The following ZNF23 variants were observed in gnomAD, a reference collection of about 807,000 sequenced individuals.
ZNF23 encodes zinc finger protein 23.
A neutral mutation model predicts 56.2 loss-of-function variants in ZNF23; 48 were observed. The ratio of observed to expected loss-of-function variants is 0.85; its 90% confidence interval spans 0.68 to 1.09. ZNF23 has a LOEUF of 1.09. Ranked by LOEUF, ZNF23 falls within the 50% of genes least tolerant of loss-of-function variation. The pLI, the probability that ZNF23 is intolerant of heterozygous loss-of-function variation, is 0.00. For synonymous variants in ZNF23, 266 were observed against 283.3 expected, an observed-to-expected ratio of 0.94 and a Z score of 0.61; for missense variants, 805 against 811.4, an observed-to-expected ratio of 0.99 and a Z score of 0.10.
chr16:71,454,017 G>T (rs745527265), intron 3 of ZNF23, 25 bp downstream of exon 3: 1 of 1,613,914 alleles, frequency 6.2e-7, no homozygotes, highest in East Asian at 2.2e-5. Flanking sequence ...GCAGATTCCA[G>T]GTTCCCAGGG....
At chr16:71,456,682 C>T (rs139610695) in intron 2 of ZNF23, 82 bp downstream of exon 2, 10 of 986,066 alleles carry the variant, frequency 1.0e-5, no homozygotes, top group Non-Finnish European at 1.2e-5. Flanking sequence ...CAGCTGTCAT[C>T]CCGAGGCTCA....
At chr16:71,457,987 G>GC (rs1243214259) in intron 1 of ZNF23, among the ~76,000 whole-genome samples, 1 of 152,100 alleles carries the variant, frequency 6.6e-6, no homozygotes, top group Non-Finnish European at 1.5e-5. Context: ...CCAGTATCCT[G>GC]CCCCACTTCC....
At chr16:71,456,611 T>TCTCTGCCGC (rs1320359614) in intron 2 of ZNF23, 153 bp downstream of exon 2, 75 of 795,992 alleles carry the variant, frequency 9.4e-5, no homozygotes, top group Non-Finnish European at 4.4e-5. Context: ...ACTGTCCTGG[T>TCTCTGCCGC]CTCTGCCGCC....
intron 1 of ZNF23, among the ~76,000 whole-genome samples, chr16:71,457,740 T>A (rs2043291745): frequency 6.6e-6 from 1 of 151,762 alleles, no homozygotes; most frequent in Non-Finnish European, 1.5e-5. Flanking sequence ...AAATAAAAAA[T>A]AAAAATAAAA....
rs150521195 is a variant in ZNF23, at chr16:71,449,308, A to G, written c.846T>C (p.Tyr282=). 1.2e-5 allele frequency: 19 copies of G among 1,614,046 alleles called. No homozygotes were observed. The East Asian group carries it at 4.2e-4, about 36-fold the overall frequency. ...CACTGTGGATTGTCTGATGTGTGAT[A>G]TAATGGGAACTGTAGCTGAAGCTTT... ...CGKSFSYSSH[Y]ITHQTIHSGE... The change falls in exon 5 of 5, where the codon TAT becomes TAC. Residue 282 remains tyrosine, a synonymous_variant. Transcript: ENST00000647773.
intron 1 of ZNF23, chr16:71,461,930 G>A (rs1362739987): frequency 6.6e-6 from 1 of 152,270 alleles, no homozygotes; most frequent in Non-Finnish European, 1.5e-5. Flanking sequence ...ATCTTCCCCC[G>A]TCGACCAAGT....
At chr16:71,457,717 C>T (rs747387607) in intron 1 of ZNF23, among the ~76,000 whole-genome samples, 6 of 151,760 alleles carry the variant, frequency 4.0e-5, no homozygotes, top group Non-Finnish European at 7.4e-5. Flanking sequence ...GAGAGTGAGA[C>T]GCTATCTCAA....
At chr16:71,454,000 C>A in intron 3 of ZNF23, 42 bp downstream of exon 3, 3 of 1,609,608 alleles carry the variant, frequency 1.9e-6, no homozygotes, top group Non-Finnish European at 2.6e-6. Flanking sequence ...GCCAGGAACC[C>A]CAATTGGCAG....
rs1326538736 is a variant in ZNF23 at position 71,449,228 on chromosome 16, C to T, written c.926G>A (p.Ser309Asn). The T allele has an allele frequency of 3.1e-6, 5 of 1,613,562 alleles. No individual in the cohort carries two copies. The highest frequency in any genetic ancestry group is 4.2e-6 in the Non-Finnish European group (5 of 1,179,874). ...MCGKAFSVNG[S>N]LSRHQRIHTG... The stretch of plus-strand genomic sequence containing the variant: ...ATGGATTCTCTGATGCCTACTTAGG[C>T]TTCCATTAACACTGAAGGCCTTCCC... The change falls in exon 5 of 5, where the codon AGC becomes AAC. Residue 309 changes from serine to asparagine, a missense_variant. Physicochemically the swap from Ser to Asn is conservative, Grantham distance 46 (BLOSUM62 1). Coordinates refer to ENST00000647773, the MANE Select transcript of ZNF23 (RefSeq NM_001381984.1).
rs2042912061 is a variant in ZNF23 at position 71,448,167 on chromosome 16, C to T, written c.1987G>A (p.Val663Met). 1.2e-6 allele frequency: 2 copies of T among 1,614,092 alleles called. No individual in the cohort carries two copies. Among genetic ancestry groups the T allele is most frequent in the African/African-American group, 2.7e-5 (2 of 74,940 alleles). The change falls in exon 5 of 5, where the codon GTG becomes ATG. Residue 663 changes from valine to methionine, a missense_variant. By Grantham distance (21) the Val-to-Met change is conservative. Coordinates refer to ENST00000647773, the MANE Select transcript of ZNF23 (RefSeq NM_001381984.1). ...CTAAACCTGAATGCTTTCCCACACA[C>T]ACTACACATATAGGGTTTCTTCCAA... The part of the protein sequence containing the change: ...HTWKKPYMCS[V>M]CGKAFRFSFQ...
Position 71,448,751 on chromosome 16 carries a change from C to T in ZNF23, c.1403G>A (p.Cys468Tyr). 6.2e-7 allele frequency: 1 copy of T among 1,614,198 alleles called. No individual in the cohort carries two copies. The highest frequency in any genetic ancestry group is 8.5e-7 in the Non-Finnish European group (1 of 1,180,042). Reference protein sequence around the residue: ...TGEKPYECNECGKAFRCNSQF... With the variant: ...TGEKPYECNEYGKAFRCNSQF... ...GGAGTTACATCTGAAGGCTTTCCCG[C>T]ATTCATTACACTCATAGGGTTTCTC... Residue 468 changes from cysteine to tyrosine, a missense_variant, in exon 5 of 5, where the codon TGC (cysteine) becomes TAC (tyrosine). Physicochemically the swap from Cys to Tyr is radical, Grantham distance 194. Coordinates refer to ENST00000647773, the MANE Select transcript of ZNF23 (RefSeq NM_001381984.1).
chr16:71,450,139 G>T, intron 4 of ZNF23: 1 of 322,342 alleles, frequency 3.1e-6, no homozygotes, highest in Non-Finnish European at 5.6e-6. Context: ...TGAAAAAACA[G>T]TATATAGAAT....
chr16:71,457,961 A>C (rs774176329), intron 1 of ZNF23, among the ~76,000 whole-genome samples: 25 of 152,170 alleles, frequency 1.6e-4, no homozygotes, highest in Non-Finnish European at 3.5e-4. Flanking sequence ...CAGCGCCTGG[A>C]GAAGGCAGCT....
chr16:71,456,656 G>A, intron 2 of ZNF23, 108 bp downstream of exon 2: 2 of 976,444 alleles, frequency 2.0e-6, no homozygotes, highest in Non-Finnish European at 2.4e-6. Context: ...ACAAGTTCCA[G>A]TCCAGCAGGT....
At chr16:71,457,372 G>A (rs1040516640) in intron 1 of ZNF23, among the ~76,000 whole-genome samples, 2 of 152,164 alleles carry the variant, frequency 1.3e-5, no homozygotes, top group African/African-American at 4.8e-5. Context: ...AGACCATCCT[G>A]GCTAACACGG....
intron 1 of ZNF23, among the ~76,000 whole-genome samples, chr16:71,459,832 G>A (rs1479164792): frequency 2.6e-5 from 4 of 151,920 alleles, no homozygotes; most frequent in Admixed American, 2.6e-4. Context: ...ATTTTTCAGG[G>A]TTTTTTTGTG....
intron 1 of ZNF23, among the ~76,000 whole-genome samples, chr16:71,458,414 A>G (rs1357183645): frequency 6.6e-6 from 1 of 152,190 alleles, no homozygotes. Context: ...ATCCAGAGCT[A>G]GTTTGCTTTT....
intron 4 of ZNF23, 143 bp from the exon 5 acceptor site, chr16:71,450,028 G>A (rs730470): frequency 0.28 from 162,211 of 578,736 alleles, 25,397 homozygotes; most frequent in South Asian, 0.51. Context: ...TCTCCATAAG[G>A]TGGGATAAGT....
chr16:71,457,293 G>A lies in ZNF23; in HGVS notation c.-32-465C>T, dbSNP rs141514266. Among the ~76,000 whole-genome samples the A allele has an allele frequency of 1.2e-3, 179 of 152,142 alleles. 3 individuals carry two copies. In the East Asian group the frequency reaches 0.024, roughly 20 times the overall value. On this transcript the variant is annotated intron_variant, in intron 1 of 4. Coordinates refer to ENST00000647773, the MANE Select transcript of ZNF23 (RefSeq NM_001381984.1). ...AAAATACAAAAATTAGGCTGGGCGCGGTGGCTCAAGCCTGTAATCCCAGCA... is the reference window on the plus strand; with the variant it reads ...AAAATACAAAAATTAGGCTGGGCGCAGTGGCTCAAGCCTGTAATCCCAGCA...
Sources: allele counts gnomAD v4.1 joint callset (sites outside exome capture counted in the v4.1 genomes callset), GRCh38; gene constraint gnomAD v4.1.1; transcripts MANE v1.5; gene names NCBI Gene and HGNC (gene_info 2026-07-23, HGNC 2026-07-21).